Variants in HEXD observed in about 807,000 individuals in gnomAD.
HEXD encodes the protein N-acetyl-beta-galactosaminidase.
In HEXD, 47 loss-of-function variants were observed where a neutral mutation model predicts 54.2. That is an observed-to-expected ratio of 0.87 (90% CI 0.69 to 1.11). The LOEUF is 1.11. Among genes scored for constraint, HEXD ranks in the 50% least tolerant of loss-of-function variants. The probability of loss-of-function intolerance (pLI) is 0.00; values close to 1 mark genes in which losing one functional copy is unlikely to be tolerated. For missense variants in HEXD, 576 were observed against 649.2 expected, an observed-to-expected ratio of 0.89 and a Z score of 1.23; for synonymous variants, 293 against 287.6, an observed-to-expected ratio of 1.02 and a Z score of -0.19.
At chr17:82,424,161 C>A (rs1349451793) in intron 2 of HEXD, among the ~76,000 whole-genome samples, 1 of 152,238 alleles carries the variant, frequency 6.6e-6, no homozygotes, top group Non-Finnish European at 1.5e-5. Flanking sequence ...CGTTGAGTAG[C>A]AGCCCTGTTT....
chr17:82,441,708 A>G (rs752607878), intron 11 of HEXD, 92 bp from the exon 12 acceptor site: 1 of 962,294 alleles, frequency 1.0e-6, no homozygotes, highest in Admixed American at 1.7e-5. Context: ...AGAAATGTCA[A>G]CCCCATTCTT....
rs1190211750 is a variant in HEXD, at chr17:82,418,495, C to G, written c.-297C>G. 3 of 1,390,352 alleles carry G rather than the reference C, an allele frequency of 2.2e-6. No individual in the cohort carries two copies. The highest frequency in any genetic ancestry group is 2.8e-6 in the Non-Finnish European group (3 of 1,074,046). The allele number at this position is 1,390,352 out of a possible 1,614,324, so 86.1% of individuals were successfully genotyped here. ...TCCGCTGAGGAGCCATCGGACCAGG[C>G]CGCCGCGGAGCCGGGCCGGACGCGG... is the stretch of plus-strand genomic sequence containing the variant. On this transcript the variant is annotated 5_prime_UTR_variant, in exon 1 of 13. Coordinates refer to ENST00000327949, the MANE Select transcript of HEXD (RefSeq NM_001330542.2).
chr17:82,425,635 A>G (rs911843716), intron 3 of HEXD: 3 of 152,406 alleles, frequency 2.0e-5, no homozygotes, highest in African/African-American at 7.2e-5. Flanking sequence ...TAACTGGCCA[A>G]TCCCAAAGGA....
At chr17:82,435,926 C>T (rs1329519681) in intron 6 of HEXD, 54 bp downstream of exon 6, 20 of 1,534,984 alleles carry the variant, frequency 1.3e-5, no homozygotes, top group Middle Eastern at 2.0e-4. Flanking sequence ...CCAAGACCTG[C>T]GGCTTCAAAG....
At chr17:82,441,964 C>G in intron 12 of HEXD, 75 bp downstream of exon 12, 1 of 1,468,366 alleles carries the variant, frequency 6.8e-7, no homozygotes, top group Admixed American at 1.7e-5. Flanking sequence ...ACATGTCCCT[C>G]AACTAGAGAG....
chr17:82,437,188 C>T lies in HEXD; in HGVS notation c.724C>T (p.Arg242Trp), dbSNP rs376411488. ...CCCAGTCCTCCTCATGCAGAAGTAC[C>T]GGCGGTGCGGCTTTCCGCAGCTGTG... The part of the protein sequence containing the change: ...HGKVLLMQKY[R>W]RCGFPQLWAA... Residue 242 changes from arginine to tryptophan, a missense_variant, in exon 8 of 13, where the codon CGG becomes TGG. By Grantham distance (101) the Arg-to-Trp change is moderately radical (BLOSUM62 -3). Transcript: ENST00000327949. 5.6e-5 allele frequency: 90 copies of T among 1,594,040 alleles called. No homozygotes were observed. The highest frequency in any genetic ancestry group is 9.0e-5 in the East Asian group (4 of 44,332).
intron 2 of HEXD, chr17:82,423,380 C>CA (rs1283858638): frequency 3.3e-5 from 5 of 152,240 alleles, no homozygotes; most frequent in African/African-American, 9.7e-5. Context: ...ATCCAGGAGG[C>CA]CTAGCATGTG....
intron 3 of HEXD, chr17:82,427,363 A>C (rs2053446610): frequency 6.6e-6 from 1 of 152,194 alleles, no homozygotes; most frequent in African/African-American, 2.4e-5. Flanking sequence ...AGAATGAGAA[A>C]GAGGAAAACT....
Position 82,436,694 on chromosome 17 carries a change from C to T in HEXD, c.659C>T (p.Pro220Leu), listed in dbSNP as rs760606446. The T allele has an allele frequency of 3.8e-5, 62 of 1,612,046 alleles. No homozygotes were observed. In the Admixed American group the frequency reaches 4.3e-4, roughly 11 times the overall value. ...AASGVPQLVE[P>L]VLWDYTADLD... ...TCCGGGGTGCCGCAGCTGGTGGAGC[C>T]GGTGCTCTGGGACTACACGGCCGAC... Residue 220 changes from proline (P) to leucine (L), a missense_variant, in exon 7 of 13, where the codon CCG (proline) becomes CTG (leucine). Coordinates refer to ENST00000327949, the MANE Select transcript of HEXD (RefSeq NM_001330542.2).
Position 82,442,150 on chromosome 17 carries a change from G to A in HEXD, c.1254-27G>A. ...AGGGCAAGTCCCAAGTGTGCAGACT[G>A]TGCGTTCATGGCGCCCTCACCTGCA... is the stretch of plus-strand genomic sequence containing the variant. On this transcript the variant is annotated intron_variant, in intron 12 of 12. Transcript: ENST00000327949. The surrounding 1 kb of genome is among the most constrained non-coding windows in gnomAD (Gnocchi z 6.8). 6.3e-7 allele frequency: 1 copy of A among 1,585,364 alleles called. No individual in the cohort carries two copies. Among genetic ancestry groups the A allele is most frequent in the Non-Finnish European group, 8.6e-7 (1 of 1,169,170 alleles).
chr17:82,430,529 A>G (rs2053545650), intron 4 of HEXD, among the ~76,000 whole-genome samples: 1 of 152,190 alleles, frequency 6.6e-6, no homozygotes, highest in Non-Finnish European at 1.5e-5. Flanking sequence ...CTGAGATTAC[A>G]GGTGTACCCC....
rs527717468 is a variant in HEXD at position 82,424,479 on chromosome 17, T to C, written c.170T>C (p.Leu57Pro). ...DMFPYEGPLRLLRAKYAYSPS... is the reference protein window; with the variant it reads ...DMFPYEGPLRPLRAKYAYSPS... ...TTTCCCTACGAGGGCCCTCTGAGGC[T>C]GCTGAGGGCCAAGTACGCCTACAGG... is the stretch of plus-strand genomic sequence containing the variant. The change falls in exon 3 of 13, where the codon CTG becomes CCG. Residue 57 changes from leucine to proline, a missense_variant. Leu to Pro is a moderately conservative substitution (Grantham distance 98, BLOSUM62 -3). Transcript: ENST00000327949. The C allele has an allele frequency of 6.5e-5, 105 of 1,612,886 alleles. 2 individuals carry two copies. In the South Asian group the frequency reaches 1.1e-3, roughly 17 times the overall value.
chr17:82,423,682 G>C (rs147748517), intron 2 of HEXD: 1 of 151,578 alleles, frequency 6.6e-6, no homozygotes, highest in Non-Finnish European at 1.5e-5. Flanking sequence ...GCATCGGGGC[G>C]GGCGCCTGTA....
chr17:82,441,716 CTTAAACA>C, intron 11 of HEXD, 77 bp from the exon 12 acceptor site: 1 of 1,032,694 alleles, frequency 9.7e-7, no homozygotes. Flanking sequence ...CAACCCCATT[CTTAAACA>C]TTTTCTGTAT....
In HEXD at chr17:82,439,379, G is replaced by A. The variant is rs527538052; in HGVS notation, c.900-252G>A. ...GTCCACCCAGAATTCCCATGGCTCC[G>A]GAGAGCATTGCAGCAAGGAATCCCC... On this transcript the variant is annotated intron_variant, in intron 8 of 12. Coordinates refer to ENST00000327949, the MANE Select transcript of HEXD (RefSeq NM_001330542.2). 9.4e-6 allele frequency: 9 copies of A among 959,658 alleles called. No homozygotes were observed. In the East Asian group the frequency reaches 4.6e-4, roughly 49 times the overall value. 59.4% of individuals were successfully genotyped at this position (959,658 alleles called of 1,614,324 possible).
At position 82,442,461 on chromosome 17, in the gene HEXD, G is replaced by T. The variant is rs752048248; in HGVS notation, c.*77G>T. 2 of 1,608,204 alleles carry T rather than the reference G, an allele frequency of 1.2e-6. No homozygotes were observed. Among genetic ancestry groups the T allele is most frequent in the Admixed American group, 1.7e-5 (1 of 59,954 alleles). Reference sequence around the variant, plus strand: ...CTGCCAAATGGCCTGGGCAATACGGGCCCACGTGGGCGTCGTGCCCTCTGG... The same window carrying T: ...CTGCCAAATGGCCTGGGCAATACGGTCCCACGTGGGCGTCGTGCCCTCTGG... On this transcript the variant is annotated 3_prime_UTR_variant, in exon 13 of 13. Coordinates refer to ENST00000327949, the MANE Select transcript of HEXD (RefSeq NM_001330542.2). The surrounding 1 kb of genome is among the most constrained non-coding windows in gnomAD (Gnocchi z 6.8).
Position 82,441,011 on chromosome 17 carries a change from G to C in HEXD, c.997G>C (p.Asp333His). ...TGTGATTTCAGGAGGATTTGATGAA[G>C]ATGTTAAAGCGAAAGTGGAGAACCT... ...QLLLRGGFDE[D>H]VKAKVENLLG... Residue 333 changes from aspartate (D) to histidine (H), a missense_variant, in exon 10 of 13, where the codon GAT becomes CAT. By Grantham distance (81) the Asp-to-His change is moderately conservative. Coordinates refer to ENST00000327949, the MANE Select transcript of HEXD (RefSeq NM_001330542.2). 1.9e-6 allele frequency: 3 copies of C among 1,613,532 alleles called. No individual in the cohort carries two copies. Among genetic ancestry groups the C allele is most frequent in the Non-Finnish European group, 2.5e-6 (3 of 1,180,010 alleles).
rs2053948178 is a variant in HEXD at position 82,441,321 on chromosome 17, TGCAGGTGAGGGG to T, written c.1163+63_1163+74del. The stretch of plus-strand genomic sequence containing the variant: ...GTGAGGGGGGCAGGCATGGGGCGGG[TGCAGGTGAGGGG>T]GCAGGTGTGGGTGGGAGGCAGGTGC... On this transcript the variant is annotated intron_variant, in intron 11 of 12. Transcript: ENST00000327949. The T allele has an allele frequency of 1.2e-4, 112 of 907,568 alleles. 1 individual carries two copies. The South Asian group carries it at 1.8e-3, about 14-fold the overall frequency. 56.2% of individuals were successfully genotyped at this position (907,568 alleles called of 1,614,324 possible).
At chr17:82,424,572 G>C (rs1161405871) in intron 3 of HEXD, 69 bp downstream of exon 3, 1 of 1,090,986 alleles carries the variant, frequency 9.2e-7, no homozygotes, top group Non-Finnish European at 1.4e-6. Context: ...CGCAGGGCAG[G>C]AGGAGCAGCA....
Sources: allele counts gnomAD v4.1 joint callset (sites outside exome capture counted in the v4.1 genomes callset), GRCh38; gene constraint gnomAD v4.1.1; non-coding constraint Gnocchi (gnomAD v3.1); transcripts MANE v1.5; gene names NCBI Gene and HGNC (gene_info 2026-07-23, HGNC 2026-07-21).